MAGI1: variants seen among roughly 807,000 people sequenced by gnomAD.
The protein encoded by MAGI1 is membrane-associated guanylate kinase, WW and PDZ domain-containing protein 1.
Under a neutral mutation model 139.9 loss-of-function variants are expected in MAGI1, and 58 were observed. The ratio of observed to expected loss-of-function variants is 0.41; its 90% confidence interval spans 0.34 to 0.52. MAGI1 has a LOEUF of 0.52. MAGI1 is among the 20% of genes least tolerant of loss of function. MAGI1 has a pLI of 0.12. For missense variants in MAGI1, 1,874 were observed against 1,901.6 expected, an observed-to-expected ratio of 0.99 and a Z score of 0.27; for synonymous variants, 812 against 737.9, an observed-to-expected ratio of 1.10 and a Z score of -1.63.
chr3:65,648,669 C>T (rs1559753146), intron 1 of MAGI1, among the ~76,000 whole-genome samples: 3 of 152,110 alleles, frequency 2.0e-5, no homozygotes. Flanking sequence ...AACGTAATTC[C>T]TATCAAAATC....
At chr3:65,758,886 T>C (rs2036772366) in intron 1 of MAGI1, among the ~76,000 whole-genome samples, 1 of 152,002 alleles carries the variant, frequency 6.6e-6, no homozygotes, top group African/African-American at 2.4e-5. Context: ...TTCTGAAAAA[T>C]AGGCAAATGT....
chr3:65,813,836 T>G (rs749339112), intron 1 of MAGI1, among the ~76,000 whole-genome samples: 4 of 152,188 alleles, frequency 2.6e-5, no homozygotes, highest in Non-Finnish European at 4.4e-5. Context: ...ACACACATAA[T>G]TAAGTCCAGG....
intron 1 of MAGI1, among the ~76,000 whole-genome samples, chr3:65,701,825 C>T (rs540822865): frequency 1.3e-5 from 2 of 152,040 alleles, no homozygotes; most frequent in African/African-American, 4.8e-5. Flanking sequence ...CCAATATGAG[C>T]AAAAGAATAA....
chr3:65,837,910 T>A (rs1195736476), intron 1 of MAGI1, among the ~76,000 whole-genome samples: 1 of 152,206 alleles, frequency 6.6e-6, no homozygotes, highest in Non-Finnish European at 1.5e-5. Flanking sequence ...TTAAACTTTT[T>A]ATTTTGAAAA....
At chr3:66,000,511 G>A (rs1487025819) in intron 1 of MAGI1, among the ~76,000 whole-genome samples, 1 of 152,160 alleles carries the variant, frequency 6.6e-6, no homozygotes, top group African/African-American at 2.4e-5. Context: ...CACATATACT[G>A]TGATGCTTCT....
chr3:65,820,734 T>C (rs2041902737), intron 1 of MAGI1, among the ~76,000 whole-genome samples: 1 of 152,166 alleles, frequency 6.6e-6, no homozygotes, highest in African/African-American at 2.4e-5. Context: ...ATAATGTGCT[T>C]CAGGCACATT....
At chr3:66,013,304 G>A (rs2067431412) in intron 1 of MAGI1, among the ~76,000 whole-genome samples, 1 of 151,396 alleles carries the variant, frequency 6.6e-6, no homozygotes, top group African/African-American at 2.4e-5. Flanking sequence ...TTAGGAGGCT[G>A]AGGCAGGAGA....
intron 2 of MAGI1, among the ~76,000 whole-genome samples, chr3:65,494,776 T>A (rs1576013011): frequency 6.6e-6 from 1 of 152,234 alleles, no homozygotes; most frequent in South Asian, 2.1e-4. Flanking sequence ...TCTGCCCATG[T>A]GAATAACCGC....
At chr3:65,733,413 CTA>C (rs915362273) in intron 1 of MAGI1, among the ~76,000 whole-genome samples, 1 of 152,118 alleles carries the variant, frequency 6.6e-6, no homozygotes, top group South Asian at 2.1e-4. Context: ...GTAAAAATCT[CTA>C]TATTTTAGAA....
chr3:65,737,999 T>C (rs747172807), intron 1 of MAGI1, among the ~76,000 whole-genome samples: 3 of 152,220 alleles, frequency 2.0e-5, no homozygotes, highest in Non-Finnish European at 2.9e-5. Flanking sequence ...TGTAGGCAAC[T>C]AGTGCTTTCA....
At chr3:65,434,313 C>G (rs1575730572) in intron 10 of MAGI1, among the ~76,000 whole-genome samples, 2 of 152,082 alleles carry the variant, frequency 1.3e-5, no homozygotes, top group African/African-American at 4.8e-5. Flanking sequence ...GGGAAGGTAC[C>G]TGGCACATAA....
Position 65,733,098 on chromosome 3 carries a change from G to GGAGTGCAAT in MAGI1, c.314-111019_314-111011dup, listed in dbSNP as rs528021971. 5.2e-3 allele frequency among the ~76,000 whole-genome samples: 798 copies of GGAGTGCAAT among 152,138 alleles called. 1 individual carries two copies. Among genetic ancestry groups the GGAGTGCAAT allele is most frequent in the Non-Finnish European group, 8.0e-3 (547 of 68,004 alleles). On this transcript the variant is annotated intron_variant, in intron 1 of 22. Coordinates refer to ENST00000402939, the MANE Select transcript of MAGI1 (RefSeq NM_001033057.2). ...TGAGATGGAGTTTTGCTCCCAAGCT[G>GGAGTGCAAT]GAGTGCAATGAGTGCAATGGCGCGA...
chr3:65,962,832 A>G (rs1250137000), intron 1 of MAGI1, among the ~76,000 whole-genome samples: 4 of 127,944 alleles, frequency 3.1e-5, no homozygotes, highest in African/African-American at 1.5e-4. Flanking sequence ...CTCGGGGGGA[A>G]AAAAAAAAAA....
intron 1 of MAGI1, among the ~76,000 whole-genome samples, chr3:65,767,932 A>T (rs2107921296): frequency 1.3e-5 from 2 of 152,332 alleles, no homozygotes; most frequent in Admixed American, 1.3e-4. Context: ...TATCATATAA[A>T]AACTGACCAT....
chr3:65,622,618 C>T (rs2083744810), intron 1 of MAGI1, among the ~76,000 whole-genome samples: 2 of 151,964 alleles, frequency 1.3e-5, no homozygotes, highest in South Asian at 2.1e-4. Flanking sequence ...GGCTGGAGTG[C>T]GATGGCGCGA....
At chr3:65,582,514 T>A (rs963137550) in intron 2 of MAGI1, among the ~76,000 whole-genome samples, 1 of 152,224 alleles carries the variant, frequency 6.6e-6, no homozygotes, top group Admixed American at 6.5e-5. Flanking sequence ...TGGCAGCTCT[T>A]TGGAATTCCT....
At chr3:65,560,559 C>T (rs527573753) in intron 2 of MAGI1, among the ~76,000 whole-genome samples, 3 of 152,190 alleles carry the variant, frequency 2.0e-5, no homozygotes, top group South Asian at 4.1e-4. Context: ...CTAAAGGAGC[C>T]GGTCATCTGC....
intron 1 of MAGI1, among the ~76,000 whole-genome samples, chr3:65,677,016 G>A (rs1041990847): frequency 6.6e-6 from 1 of 152,140 alleles, no homozygotes; most frequent in African/African-American, 2.4e-5. Flanking sequence ...TTTATTATGA[G>A]CTGTGCAGGA....
intron 1 of MAGI1, chr3:65,902,725 T>A (rs1005080882): frequency 7.2e-5 from 11 of 152,676 alleles, no homozygotes; most frequent in African/African-American, 2.7e-4. Context: ...AAACTGAGCA[T>A]GCTCCCCATC....
Sources: gnomAD v4.1 joint callset for allele counts (sites outside exome capture counted in the v4.1 genomes callset) on GRCh38, gnomAD v4.1.1 for gene constraint, MANE v1.5 for transcripts, NCBI Gene and HGNC (gene_info 2026-07-23, HGNC 2026-07-21) for gene names.